Variants in AVEN observed in about 807,000 individuals in gnomAD.
AVEN encodes the protein apoptosis and caspase activation inhibitor.
Under a neutral mutation model 38.1 loss-of-function variants are expected in AVEN, and 41 were observed. The ratio of observed to expected loss-of-function variants is 1.08; its 90% confidence interval spans 0.84 to 1.40. AVEN has a LOEUF of 1.40. Ranked by LOEUF, AVEN falls within the 40% of genes most tolerant of loss-of-function variation. AVEN has a pLI of 0.00. For synonymous variants in AVEN, 206 were observed against 171.8 expected (o/e 1.20, Z -1.56); for missense variants, 605 against 438.8 (o/e 1.38, Z -3.38).
At chr15:34,064,104 C>G in intron 4 of AVEN, 1 of 1,614,206 alleles carries the variant, frequency 6.2e-7, no homozygotes. Context: ...CATCATGGTC[C>G]TGGTTTCTAC....
rs768167300 is a variant in AVEN, at chr15:33,860,627, G to C, written n.2730-1533C>G. ...TATTGATGCTTTCGGAGAGCTAAGA[G>C]ACCAGCAGGAACAAGTACGAGAAGA... On this transcript the variant is annotated intron_variant and non_coding_transcript_variant, in intron 11 of 11. Transcript: ENST00000675287. 4 of 1,594,170 alleles carry C rather than the reference G, an allele frequency of 2.5e-6. No homozygotes were observed. The South Asian group carries it at 4.6e-5, about 18-fold the overall frequency.
chr15:33,889,522 A>G (rs1220999788), intron 2 of AVEN, among the ~76,000 whole-genome samples: 3 of 152,152 alleles, frequency 2.0e-5, no homozygotes, highest in Non-Finnish European at 2.9e-5. Flanking sequence ...CTACAATGTA[A>G]ATCTTAAGTT....
intron 4 of AVEN, among the ~76,000 whole-genome samples, chr15:33,870,308 C>G (rs185481190): frequency 3.0e-4 from 45 of 152,290 alleles, no homozygotes; most frequent in African/African-American, 1.0e-3. Flanking sequence ...GACTTACCCC[C>G]ACACATGCAC....
intron 5 of AVEN, among the ~76,000 whole-genome samples, chr15:34,055,379 C>T (rs1900099197): frequency 1.3e-5 from 2 of 151,898 alleles, no homozygotes; most frequent in Non-Finnish European, 2.9e-5. Flanking sequence ...GTGGTGTGCA[C>T]CTGTAGTCCC....
chr15:33,870,956 G>GT lies in AVEN; in HGVS notation c.590dup (p.Asn197LysfsTer24). ...TTACCTGGACCAGTTCGGCAGCAAC[G>GT]TTGAGTCGGAGGCAGAGAGGCAGCT... On this transcript the variant is annotated frameshift_variant, in exon 4 of 6. Coordinates refer to ENST00000306730, the MANE Select transcript of AVEN (RefSeq NM_020371.3). LOFTEE classifies it high-confidence loss of function. The GT allele has an allele frequency of 6.2e-7, 1 of 1,611,142 alleles. No homozygotes were observed. Among genetic ancestry groups the GT allele is most frequent in the Non-Finnish European group, 8.5e-7 (1 of 1,178,238 alleles).
intron 4 of AVEN, chr15:34,064,550 T>G (rs1900461163): frequency 1.8e-6 from 1 of 569,176 alleles, no homozygotes; most frequent in East Asian, 3.1e-5. Context: ...CCAGGGGAGT[T>G]TGCCAATGAA....
At chr15:34,037,116 A>C (rs1397850691) in intron 1 of AVEN, among the ~76,000 whole-genome samples, 3 of 151,248 alleles carry the variant, frequency 2.0e-5, no homozygotes, top group Admixed American at 6.6e-5. Flanking sequence ...TCTCAAAAAA[A>C]AAAAAAAAAT....
intron 2 of AVEN, among the ~76,000 whole-genome samples, chr15:33,915,110 T>C (rs1893077431): frequency 1.3e-5 from 2 of 152,100 alleles, no homozygotes; most frequent in Admixed American, 6.6e-5. Context: ...CAATTTGATA[T>C]GTGTTTTAAG....
chr15:33,982,410 A>C (rs1312516001), intron 2 of AVEN, among the ~76,000 whole-genome samples: 1 of 152,174 alleles, frequency 6.6e-6, no homozygotes, highest in Non-Finnish European at 1.5e-5. Context: ...CAAAAATAAA[A>C]ATTAAAAAAG....
chr15:33,988,694 A>C (rs1896587532), intron 2 of AVEN, among the ~76,000 whole-genome samples: 1 of 152,224 alleles, frequency 6.6e-6, no homozygotes, highest in African/African-American at 2.4e-5. Context: ...CTTAACACAC[A>C]AGTAAAACAC....
chr15:33,997,903 C>A (rs1468016876), intron 2 of AVEN, among the ~76,000 whole-genome samples: 8 of 152,118 alleles, frequency 5.3e-5, no homozygotes, highest in African/African-American at 1.9e-4. Context: ...TTTATGAATA[C>A]CAACTTCATG....
At chr15:33,999,791 C>A (rs548902751) in intron 2 of AVEN, among the ~76,000 whole-genome samples, 1 of 152,114 alleles carries the variant, frequency 6.6e-6, no homozygotes, top group Non-Finnish European at 1.5e-5. Flanking sequence ...CTAGTCTACC[C>A]GCTCCCCTCT....
intron 2 of AVEN, among the ~76,000 whole-genome samples, chr15:33,916,326 G>T (rs1314124642): frequency 6.6e-6 from 1 of 152,160 alleles, no homozygotes; most frequent in Non-Finnish European, 1.5e-5. Flanking sequence ...ACAGCTAAGT[G>T]ACCTGAAGAC....
chr15:33,893,711 A>G (rs909463710), intron 2 of AVEN, among the ~76,000 whole-genome samples: 2 of 152,318 alleles, frequency 1.3e-5, no homozygotes, highest in South Asian at 4.1e-4. Flanking sequence ...TACCTGAAGC[A>G]TCTTAAAGCT....
chr15:33,960,239 A>G (rs1415739198), intron 2 of AVEN, among the ~76,000 whole-genome samples: 3 of 152,218 alleles, frequency 2.0e-5, no homozygotes, highest in Non-Finnish European at 4.4e-5. Flanking sequence ...AATCAAATTA[A>G]TAAATAGAAT....
At position 33,867,869 on chromosome 15, in the gene AVEN, A is replaced by G. The variant is rs144112753; in HGVS notation, c.613-14T>C. 4.9e-5 allele frequency: 76 copies of G among 1,543,206 alleles called. No individual in the cohort carries two copies. In the East Asian group the frequency reaches 1.7e-3, roughly 34 times the overall value. ...AGGAACTGTACCCTGAAAGAGAAGT[A>G]TAAAAACTGAGTTAAAAATGTGAGT... On this transcript the variant is annotated splice_polypyrimidine_tract_variant and intron_variant, in intron 4 of 5. Coordinates refer to ENST00000306730, the MANE Select transcript of AVEN (RefSeq NM_020371.3).
At chr15:33,851,808 A>C in the AVEN span, 1 of 152,176 alleles carries the variant, frequency 6.6e-6, no homozygotes, top group Non-Finnish European at 1.5e-5. Context: ...GCATGGCTTG[A>C]TTTTTATTTG....
At chr15:33,945,349 G>T (rs1358906621) in intron 2 of AVEN, among the ~76,000 whole-genome samples, 1 of 152,170 alleles carries the variant, frequency 6.6e-6, no homozygotes, top group Non-Finnish European at 1.5e-5. Flanking sequence ...TGTCTCATCT[G>T]AGGCCTTCAT....
intron 1 of AVEN, among the ~76,000 whole-genome samples, chr15:34,008,412 C>CGT (rs1279992239): frequency 2.0e-5 from 3 of 149,360 alleles, no homozygotes; most frequent in Non-Finnish European, 3.0e-5. Context: ...AGAGCAAGAC[C>CGT]GTGTCTCTTA....
Sources: allele counts gnomAD v4.1 joint callset (sites outside exome capture counted in the v4.1 genomes callset), GRCh38; gene constraint gnomAD v4.1.1; transcripts MANE v1.5; gene names NCBI Gene and HGNC (gene_info 2026-07-23, HGNC 2026-07-21).